GSK3B: variants seen among roughly 807,000 people sequenced by gnomAD.
GSK3B encodes glycogen synthase kinase 3 beta.
GSK3B carries 15 observed loss-of-function variants against 56.4 expected under a neutral mutation model. That is an observed-to-expected ratio of 0.27 (90% confidence interval 0.18 to 0.41). GSK3B has a LOEUF of 0.41. GSK3B is among the 10% of genes least tolerant of loss of function. The pLI, the probability that GSK3B is intolerant of heterozygous loss-of-function variation, is 1.00. For synonymous variants in GSK3B, 181 were observed against 188.9 expected (o/e 0.96, Z 0.34); for missense variants, 300 against 513.4 (o/e 0.58, Z 4.02).
At chr3:120,002,582 G>A (rs764778353) in intron 1 of GSK3B, among the ~76,000 whole-genome samples, 19 of 152,022 alleles carry the variant, frequency 1.2e-4, no homozygotes, top group Non-Finnish European at 1.0e-4. Flanking sequence ...CAGGTGATCC[G>A]CCCTCCTTGG....
At chr3:120,057,708 G>A (rs900780623) in intron 1 of GSK3B, among the ~76,000 whole-genome samples, 3 of 152,134 alleles carry the variant, frequency 2.0e-5, no homozygotes, top group African/African-American at 7.2e-5. Flanking sequence ...GAAATTTTAG[G>A]TATGTTCCAA....
At chr3:120,090,025 T>A (rs911507465) in intron 1 of GSK3B, among the ~76,000 whole-genome samples, 17 of 152,098 alleles carry the variant, frequency 1.1e-4, no homozygotes, top group African/African-American at 3.9e-4. Flanking sequence ...AATACTTTAT[T>A]CTTAGATAAA....
At chr3:119,983,138 T>C (rs964485714) in intron 2 of GSK3B, among the ~76,000 whole-genome samples, 2 of 152,152 alleles carry the variant, frequency 1.3e-5, no homozygotes, top group African/African-American at 2.4e-5. Flanking sequence ...TAAAATCCTT[T>C]ACAGACAAGC....
At chr3:120,081,356 G>A (rs933848086) in intron 1 of GSK3B, among the ~76,000 whole-genome samples, 32 of 151,976 alleles carry the variant, frequency 2.1e-4, no homozygotes, top group Admixed American at 6.6e-4. Context: ...AGACCATCCT[G>A]GTCAACATGG....
chr3:119,857,689 C>G (rs547302735), intron 9 of GSK3B, among the ~76,000 whole-genome samples: 1 of 152,184 alleles, frequency 6.6e-6, no homozygotes, highest in Admixed American at 6.6e-5. Context: ...GGACCTCTTT[C>G]ACAAATCACA....
At chr3:119,954,287 T>C (rs956212439) in intron 2 of GSK3B, among the ~76,000 whole-genome samples, 2 of 117,474 alleles carry the variant, frequency 1.7e-5, no homozygotes, top group Non-Finnish European at 1.9e-5. Flanking sequence ...TAGAATAGAA[T>C]AGAATAGAAT....
chr3:119,943,725 T>C (rs745486475), intron 3 of GSK3B, among the ~76,000 whole-genome samples: 3 of 151,114 alleles, frequency 2.0e-5, no homozygotes, highest in Non-Finnish European at 2.9e-5. Context: ...GAGAAAGAGG[T>C]TGATGGAGAC....
intron 8 of GSK3B, among the ~76,000 whole-genome samples, chr3:119,864,903 T>G (rs557017373): frequency 6.6e-6 from 1 of 152,224 alleles, no homozygotes. Flanking sequence ...TTTCGGAACA[T>G]AAAGAAAGGC....
At chr3:119,992,948 G>A (rs535741656) in intron 2 of GSK3B, among the ~76,000 whole-genome samples, 19 of 151,650 alleles carry the variant, frequency 1.3e-4, no homozygotes, top group Non-Finnish European at 2.7e-4. Context: ...CAAAACTATG[G>A]ACCAACAGGC....
At chr3:119,996,999 T>C (rs1044487133) in intron 2 of GSK3B, among the ~76,000 whole-genome samples, 10 of 152,102 alleles carry the variant, frequency 6.6e-5, no homozygotes, top group Admixed American at 2.6e-4. Context: ...ATTTAGATCA[T>C]AGGGAAAAAA....
At chr3:119,837,240 C>T (rs1011273307) in intron 10 of GSK3B, among the ~76,000 whole-genome samples, 16 of 152,064 alleles carry the variant, frequency 1.1e-4, no homozygotes, top group Non-Finnish European at 1.5e-4. Context: ...CTGCAAGCTC[C>T]GCCTCCCGGG....
At chr3:119,879,771 C>T (rs2056358792) in intron 7 of GSK3B, among the ~76,000 whole-genome samples, 1 of 152,116 alleles carries the variant, frequency 6.6e-6, no homozygotes, top group African/African-American at 2.4e-5. Context: ...CTTAACACAA[C>T]GACTTCCGGT....
chr3:120,071,775 T>C (rs2058328710), intron 1 of GSK3B, among the ~76,000 whole-genome samples: 1 of 152,206 alleles, frequency 6.6e-6, no homozygotes, highest in Non-Finnish European at 1.5e-5. Context: ...TGAATCATGC[T>C]AAAACCATCC....
chr3:120,037,684 T>C (rs2058033998), intron 1 of GSK3B, among the ~76,000 whole-genome samples: 2 of 151,956 alleles, frequency 1.3e-5, no homozygotes, highest in African/African-American at 4.8e-5. Flanking sequence ...ACATCAAACC[T>C]TTAGTCTTGA....
intron 9 of GSK3B, among the ~76,000 whole-genome samples, chr3:119,847,125 C>T (rs1467107408): frequency 1.3e-5 from 2 of 151,646 alleles, no homozygotes; most frequent in Non-Finnish European, 2.9e-5. Context: ...CATCACATAC[C>T]AGGGCCTGTT....
At chr3:119,905,879 A>G (rs753489144) in intron 6 of GSK3B, 27 bp from the exon 7 acceptor site, 2 of 1,233,640 alleles carry the variant, frequency 1.6e-6, no homozygotes, top group South Asian at 2.4e-5. Context: ...ACGAAGCCTT[A>G]TTAATACTTC....
chr3:120,066,500 T>A (rs1371901001), intron 1 of GSK3B, among the ~76,000 whole-genome samples: 2 of 152,160 alleles, frequency 1.3e-5, no homozygotes, highest in African/African-American at 4.8e-5. Flanking sequence ...AAATACGTAC[T>A]TAAAAAGAAG....
chr3:119,980,160 T>G (rs953011307), intron 2 of GSK3B, among the ~76,000 whole-genome samples: 1 of 152,198 alleles, frequency 6.6e-6, no homozygotes, highest in East Asian at 1.9e-4. Flanking sequence ...ACCTTTCAGT[T>G]CACGTGACCT....
intron 1 of GSK3B, among the ~76,000 whole-genome samples, chr3:120,019,740 G>A (rs968603786): frequency 6.6e-6 from 1 of 152,230 alleles, no homozygotes; most frequent in African/African-American, 2.4e-5. Context: ...CCAGACTCCC[G>A]CAAGTCTCTA....
Sources: gnomAD v4.1 joint callset for allele counts (sites outside exome capture counted in the v4.1 genomes callset) on GRCh38, gnomAD v4.1.1 for gene constraint, MANE v1.5 for transcripts, NCBI Gene and HGNC (gene_info 2026-07-23, HGNC 2026-07-21) for gene names.